Variants in LBH observed in about 807,000 individuals in gnomAD.
LBH encodes the protein protein LBH.
In LBH, 7 loss-of-function variants were observed where a neutral mutation model predicts 12.5. That is an observed-to-expected ratio of 0.56 (90% CI 0.32 to 1.05). LBH has a LOEUF of 1.05. Among genes scored for constraint, LBH ranks in the 50% least tolerant of loss-of-function variants. LBH has a pLI of 0.04. For missense variants in LBH, 119 were observed against 138.9 expected (o/e 0.86, Z 0.72); for synonymous variants, 51 against 50.1 (o/e 1.02, Z -0.08).
intron 1 of LBH, chr2:30,232,077 C>A (rs1260991667): frequency 8.6e-6 from 13 of 1,518,120 alleles, no homozygotes; most frequent in Non-Finnish European, 1.1e-5. Context: ...CCACCCTATG[C>A]GGAGAGCTGC....
At chr2:30,241,895 C>T (rs988705566) in intron 2 of LBH, among the ~76,000 whole-genome samples, 1 of 152,212 alleles carries the variant, frequency 6.6e-6, no homozygotes, top group Non-Finnish European at 1.5e-5. Flanking sequence ...CAAGATCACA[C>T]GTTGCATTTT....
intron 1 of LBH, among the ~76,000 whole-genome samples, chr2:30,234,047 G>A (rs369298715): frequency 8.5e-5 from 13 of 152,276 alleles, no homozygotes; most frequent in African/African-American, 3.1e-4. Flanking sequence ...GGTTGAATTG[G>A]TTTTAATATA....
rs1416709601 is a variant in LBH at position 30,234,524 on chromosome 2, T to C, written c.129+17T>C. On this transcript the variant is annotated intron_variant, in intron 2 of 2. Coordinates refer to ENST00000395323, the MANE Select transcript of LBH (RefSeq NM_030915.4). ...TCCTACCAGGTGAGTAAGTCCTGGCTCCCCTCTGACTCTCTAGAGCCTAGT... is the reference window on the plus strand; with the variant it reads ...TCCTACCAGGTGAGTAAGTCCTGGCCCCCCTCTGACTCTCTAGAGCCTAGT... 1.3e-6 allele frequency: 2 copies of C among 1,578,114 alleles called. No homozygotes were observed.
Position 30,238,068 on chromosome 2 carries a change from T to A in LBH, c.129+3561T>A, listed in dbSNP as rs550403191. Among the ~76,000 whole-genome samples the A allele has an allele frequency of 4.6e-5, 7 of 152,298 alleles. No individual in the cohort carries two copies. The East Asian group carries it at 7.7e-4, about 17-fold the overall frequency. ...TTCAAGGAAGCAAGTCAGCAGCTGC[T>A]TCTTTGGCTCCAGGGACTCTAAAAA... is the stretch of plus-strand genomic sequence containing the variant. On this transcript the variant is annotated intron_variant, in intron 2 of 2. Transcript: ENST00000395323.
At chr2:30,239,130 A>T (rs1677741753) in intron 2 of LBH, among the ~76,000 whole-genome samples, 1 of 152,072 alleles carries the variant, frequency 6.6e-6, no homozygotes, top group Non-Finnish European at 1.5e-5. Context: ...GCAGCAACTC[A>T]TCTCTCAAAG....
At chr2:30,232,195 G>A in intron 1 of LBH, 2 of 1,535,606 alleles carry the variant, frequency 1.3e-6, no homozygotes, top group South Asian at 2.4e-5. Flanking sequence ...CGGCAGCAGC[G>A]GGGCTGAGCT....
At chr2:30,254,853 T>C (rs1302343225) in intron 2 of LBH, among the ~76,000 whole-genome samples, 1 of 152,248 alleles carries the variant, frequency 6.6e-6, no homozygotes, top group African/African-American at 2.4e-5. Flanking sequence ...TCTTGGATCC[T>C]GAAGGTTTAA....
intron 2 of LBH, among the ~76,000 whole-genome samples, chr2:30,251,596 GGTT>G (rs1368190086): frequency 1.3e-5 from 2 of 149,542 alleles, no homozygotes; most frequent in Non-Finnish European, 3.0e-5. Context: ...GATCCTGGAA[GGTT>G]GAGGCTACAG....
In LBH at chr2:30,259,516, C is replaced by CTT. The variant is rs144935969; in HGVS notation, c.*1896_*1897dup. 670 of 153,220 alleles carry CTT rather than the reference C, an allele frequency of 4.4e-3. 10 individuals are homozygous for CTT. The highest frequency in any genetic ancestry group is 0.031 in the East Asian group (160 of 5,176). The allele number at this position is 153,220 out of a possible 1,614,324, so 9.5% of individuals were successfully genotyped here. On this transcript the variant is annotated 3_prime_UTR_variant, in exon 3 of 3. Transcript: ENST00000395323. ...CTCGCCTCCCCTTGTGGACGGGGGT[C>CTT]TTGCCTTTTCAATTCCTGTGTTTTG...
At chr2:30,235,631 T>C (rs1211096866) in intron 2 of LBH, among the ~76,000 whole-genome samples, 3 of 151,990 alleles carry the variant, frequency 2.0e-5, no homozygotes, top group Non-Finnish European at 2.9e-5. Flanking sequence ...CGCTAGGGTC[T>C]AGGTTGACTC....
At position 30,231,576 on chromosome 2, in the gene LBH, C is replaced by G. The variant is rs1365505262; in HGVS notation, c.-163C>G. 1 of 660,372 alleles carries G rather than the reference C, an allele frequency of 1.5e-6. No homozygotes were observed. 40.9% of individuals were successfully genotyped at this position (660,372 alleles called of 1,614,324 possible). A position where few individuals can be genotyped will look rare whatever the true frequency, so the allele number is the denominator to read the frequency against. The stretch of plus-strand genomic sequence containing the variant: ...GAGCGGGGAGTTGTGTCCACCTTGC[C>G]GACGTCGCTAGCCGTGGGGCTGTCC... On this transcript the variant is annotated 5_prime_UTR_variant, in exon 1 of 3. Coordinates refer to ENST00000395323, the MANE Select transcript of LBH (RefSeq NM_030915.4).
chr2:30,251,306 A>G (rs1677974354), intron 2 of LBH, among the ~76,000 whole-genome samples: 1 of 152,142 alleles, frequency 6.6e-6, no homozygotes, highest in Non-Finnish European at 1.5e-5. Context: ...ACATTTCCAT[A>G]TGCAGAACAT....
intron 1 of LBH, chr2:30,233,083 C>T (rs1256537924): frequency 6.6e-6 from 1 of 152,220 alleles, no homozygotes; most frequent in African/African-American, 2.4e-5. Flanking sequence ...ATAGGTGAAG[C>T]TTTGAAGGCT....
intron 2 of LBH, among the ~76,000 whole-genome samples, chr2:30,250,793 C>A (rs985541673): frequency 6.6e-6 from 1 of 151,922 alleles, no homozygotes; most frequent in African/African-American, 2.4e-5. Flanking sequence ...AGCTCACCCT[C>A]AGGCCCAGGA....
In LBH at chr2:30,259,912, C is replaced by T. The variant is rs1678166399; in HGVS notation, c.*2291C>T. 1 of 152,452 alleles carries T rather than the reference C, an allele frequency of 6.6e-6. No individual in the cohort carries two copies. Among genetic ancestry groups the T allele is most frequent in the African/African-American group, 2.4e-5 (1 of 41,366 alleles). The allele number at this position is 152,452 out of a possible 1,614,324, so 9.4% of individuals were successfully genotyped here. On this transcript the variant is annotated 3_prime_UTR_variant, in exon 3 of 3. Transcript: ENST00000395323. Reference sequence around the variant, plus strand: ...TAAAAATGCCTGTTGTGAGATGAACCTCCTGTAACTTCTATCTGTTCTTTT... The same window carrying T: ...TAAAAATGCCTGTTGTGAGATGAACTTCCTGTAACTTCTATCTGTTCTTTT...
Position 30,257,557 on chromosome 2 carries a change from TC to T in LBH, c.256del (p.Leu86TrpfsTer49), listed in dbSNP as rs1236066155. On this transcript the variant is annotated frameshift_variant, in exon 3 of 3. Coordinates refer to ENST00000395323, the MANE Select transcript of LBH (RefSeq NM_030915.4). LOFTEE classifies it high-confidence loss of function. ...SGELRWPPEE[F>X]LVQEDEQDNC... The stretch of plus-strand genomic sequence containing the variant: ...GAGCTCCGGTGGCCCCCTGAGGAGT[TC>T]CTGGTCCAGGAGGATGAGCAAGATA... The T allele has an allele frequency of 6.2e-7, 1 of 1,614,090 alleles. No individual in the cohort carries two copies. The highest frequency in any genetic ancestry group is 8.5e-7 in the Non-Finnish European group (1 of 1,180,032).
intron 2 of LBH, among the ~76,000 whole-genome samples, chr2:30,240,038 C>A (rs1558386667): frequency 6.6e-6 from 1 of 152,326 alleles, no homozygotes; most frequent in East Asian, 1.9e-4. Flanking sequence ...TCTCAAGGGG[C>A]CTGTGTTGGG....
At chr2:30,232,284 C>A in intron 1 of LBH, 1 of 1,481,626 alleles carries the variant, frequency 6.7e-7, no homozygotes, top group Non-Finnish European at 9.0e-7. Flanking sequence ...CCCACTAAAG[C>A]CACAAGCAGC....
intron 2 of LBH, 38 bp from the exon 3 acceptor site, chr2:30,257,395 A>T: frequency 6.2e-7 from 1 of 1,608,448 alleles, no homozygotes. Flanking sequence ...CTTTTCAAAT[A>T]TCTACGTGAC....
Sources: allele counts gnomAD v4.1 joint callset (sites outside exome capture counted in the v4.1 genomes callset), GRCh38; gene constraint gnomAD v4.1.1; transcripts MANE v1.5; gene names NCBI Gene and HGNC (gene_info 2026-07-23, HGNC 2026-07-21).